The following PTPRD variants were observed in gnomAD, a reference collection of about 807,000 sequenced individuals.
PTPRD encodes protein tyrosine phosphatase receptor type D.
PTPRD carries 34 observed loss-of-function variants against 214.5 expected under a neutral mutation model. The ratio of observed to expected loss-of-function variants is 0.16; its 90% CI spans 0.12 to 0.21. The LOEUF is 0.21. Ranked by LOEUF, PTPRD falls within the 10% of genes least tolerant of loss-of-function variation. The probability of loss-of-function intolerance (pLI) is 1.00; values close to 1 mark genes in which losing one functional copy is unlikely to be tolerated. For synonymous variants in PTPRD, 1,128 were observed against 845.7 expected (o/e 1.33, Z -5.79); for missense variants, 2,545 against 2,398.7 (o/e 1.06, Z -1.27).
At chr9:10,586,508 A>G (rs1193618208) in intron 2 of PTPRD, among the ~76,000 whole-genome samples, 1 of 152,116 alleles carries the variant, frequency 6.6e-6, no homozygotes, top group East Asian at 1.9e-4. Flanking sequence ...AATTCTCTAT[A>G]TAGTACCTTG....
chr9:9,562,426 C>G (rs1018472641), intron 8 of PTPRD, among the ~76,000 whole-genome samples: 2 of 152,166 alleles, frequency 1.3e-5, no homozygotes, highest in Non-Finnish European at 2.9e-5. Flanking sequence ...TTGCCATTGT[C>G]AACAGAGATA....
At chr9:8,789,240 T>C (rs1050789327) in intron 11 of PTPRD, among the ~76,000 whole-genome samples, 2 of 152,038 alleles carry the variant, frequency 1.3e-5, no homozygotes, top group African/African-American at 4.8e-5. Flanking sequence ...GGCCCAAAAG[T>C]TCTCTCTTCT....
chr9:9,009,555 GAAGC>G (rs1438955848), intron 11 of PTPRD, among the ~76,000 whole-genome samples: 1 of 151,908 alleles, frequency 6.6e-6, no homozygotes, highest in Non-Finnish European at 1.5e-5. Context: ...ATGAAGATAA[GAAGC>G]AAGTTGGTAT....
chr9:8,706,205 AG>A (rs1255322064), intron 12 of PTPRD, among the ~76,000 whole-genome samples: 1 of 152,252 alleles, frequency 6.6e-6, no homozygotes, highest in Non-Finnish European at 1.5e-5. Context: ...CTCGTTTCCA[AG>A]GGATCTTGAT....
chr9:9,429,931 C>A (rs2082425891), intron 8 of PTPRD, among the ~76,000 whole-genome samples: 1 of 152,040 alleles, frequency 6.6e-6, no homozygotes, highest in South Asian at 2.1e-4. Context: ...TATGACAAAC[C>A]CACAGCCAGT....
intron 6 of PTPRD, among the ~76,000 whole-genome samples, chr9:9,748,710 G>A (rs1156379873): frequency 1.3e-5 from 2 of 152,100 alleles, no homozygotes; most frequent in Non-Finnish European, 2.9e-5. Context: ...ATTATTTCAG[G>A]CTTTCGTTTC....
At chr9:8,417,681 T>G (rs1020860923) in intron 35 of PTPRD, among the ~76,000 whole-genome samples, 4 of 152,130 alleles carry the variant, frequency 2.6e-5, no homozygotes, top group African/African-American at 4.8e-5. Flanking sequence ...CATCACCTTT[T>G]CAAGTATTCT....
chr9:10,048,469 T>C (rs2097450301), intron 3 of PTPRD, among the ~76,000 whole-genome samples: 1 of 152,162 alleles, frequency 6.6e-6, no homozygotes, highest in Non-Finnish European at 1.5e-5. Flanking sequence ...CTATCTGGAT[T>C]CATTCCAGCT....
intron 14 of PTPRD, among the ~76,000 whole-genome samples, chr9:8,600,174 G>A (rs2094753720): frequency 6.6e-6 from 1 of 152,178 alleles, no homozygotes; most frequent in Admixed American, 6.5e-5. Flanking sequence ...GAACCAGGCT[G>A]TATTCAGCCG....
intron 5 of PTPRD, among the ~76,000 whole-genome samples, chr9:9,819,321 G>A (rs2049906147): frequency 6.6e-6 from 1 of 152,124 alleles, no homozygotes; most frequent in African/African-American, 2.4e-5. Context: ...GGCTTTTACA[G>A]TATAAATTCC....
chr9:9,397,687 T>G (rs1399208011), intron 8 of PTPRD, among the ~76,000 whole-genome samples: 1 of 152,092 alleles, frequency 6.6e-6, no homozygotes, highest in South Asian at 2.1e-4. Flanking sequence ...AAGATATTAG[T>G]TGTTTATTCA....
At chr9:8,331,376 CA>C (rs1181584073) in intron 44 of PTPRD, among the ~76,000 whole-genome samples, 1 of 150,412 alleles carries the variant, frequency 6.6e-6, no homozygotes, top group Non-Finnish European at 1.5e-5. Context: ...GGGGGATAAA[CA>C]TTTTTTTGGG....
chr9:9,527,105 T>A (rs916374844), intron 8 of PTPRD, among the ~76,000 whole-genome samples: 1 of 152,194 alleles, frequency 6.6e-6, no homozygotes, highest in African/African-American at 2.4e-5. Flanking sequence ...AATCATTTTA[T>A]ATATGGATGT....
chr9:9,656,661 G>A (rs2096523372), intron 7 of PTPRD, among the ~76,000 whole-genome samples: 2 of 152,112 alleles, frequency 1.3e-5, no homozygotes, highest in Non-Finnish European at 2.9e-5. Flanking sequence ...TTTTTAGGGT[G>A]ATGAAACAGT....
intron 9 of PTPRD, among the ~76,000 whole-genome samples, chr9:9,285,838 T>G (rs1385278361): frequency 2.6e-5 from 4 of 151,840 alleles, no homozygotes; most frequent in Admixed American, 2.6e-4. Context: ...ACTCTTTGTA[T>G]GTAGATAGCT....
chr9:9,825,961 C>G (rs1352757080), intron 5 of PTPRD, among the ~76,000 whole-genome samples: 1 of 151,312 alleles, frequency 6.6e-6, no homozygotes, highest in African/African-American at 2.4e-5. Flanking sequence ...AGGTTGATAT[C>G]CTTAAGTACA....
chr9:10,146,647 G>A (rs753087294), intron 3 of PTPRD, among the ~76,000 whole-genome samples: 1 of 152,138 alleles, frequency 6.6e-6, no homozygotes, highest in African/African-American at 2.4e-5. Context: ...GCTATTTAGA[G>A]TTAAACTTAT....
chr9:9,173,865 G>T (rs926283027), intron 10 of PTPRD, among the ~76,000 whole-genome samples: 1 of 151,950 alleles, frequency 6.6e-6, no homozygotes, highest in African/African-American at 2.4e-5. Context: ...ATGTGTTCTT[G>T]TTCAACACTG....
At chr9:10,554,137 C>T (rs1372316528) in intron 2 of PTPRD, among the ~76,000 whole-genome samples, 1 of 152,120 alleles carries the variant, frequency 6.6e-6, no homozygotes, top group East Asian at 1.9e-4. Context: ...AATGATGAGA[C>T]CTTTTAGTGT....
Sources: gnomAD v4.1 joint callset for allele counts (sites outside exome capture counted in the v4.1 genomes callset) on GRCh38, gnomAD v4.1.1 for gene constraint, MANE v1.5 for transcripts, NCBI Gene and HGNC (gene_info 2026-07-23, HGNC 2026-07-21) for gene names.